MACROD2: variants seen among roughly 807,000 people sequenced by gnomAD.
The protein encoded by MACROD2 is ADP-ribose glycohydrolase MACROD2.
Under a neutral mutation model 70.4 loss-of-function variants are expected in MACROD2, and 36 were observed. The ratio of observed to expected loss-of-function variants is 0.51; its 90% CI spans 0.39 to 0.68. The LOEUF (loss-of-function observed/expected upper bound fraction) is 0.68. MACROD2 is among the 30% of genes least tolerant of loss of function. The pLI is 0.00. For missense variants in MACROD2, 496 were observed against 538.4 expected (o/e 0.92, Z 0.78); for synonymous variants, 172 against 178.8 (o/e 0.96, Z 0.30).
At chr20:15,778,726 G>A (rs2051775972) in intron 8 of MACROD2, among the ~76,000 whole-genome samples, 1 of 151,940 alleles carries the variant, frequency 6.6e-6, no homozygotes, top group South Asian at 2.1e-4. Flanking sequence ...ATCTTAGATA[G>A]TATGCCATTT....
At chr20:15,010,612 G>A (rs1024972484) in intron 5 of MACROD2, among the ~76,000 whole-genome samples, 1 of 152,004 alleles carries the variant, frequency 6.6e-6, no homozygotes, top group African/African-American at 2.4e-5. Context: ...TTATTTTCTG[G>A]GCATTTCTTA....
chr20:14,617,848 C>T (rs529566037), intron 4 of MACROD2, among the ~76,000 whole-genome samples: 1 of 152,182 alleles, frequency 6.6e-6, no homozygotes, highest in Non-Finnish European at 1.5e-5. Flanking sequence ...TTCCTTCAGG[C>T]GAAGCCTCGC....
intron 5 of MACROD2, among the ~76,000 whole-genome samples, chr20:15,086,614 T>TA (rs1392439953): frequency 6.6e-6 from 1 of 152,186 alleles, no homozygotes; most frequent in Non-Finnish European, 1.5e-5. Flanking sequence ...ACCTACCCTT[T>TA]AGTCTGTTCA....
At chr20:14,665,162 T>G (rs1321560045) in intron 4 of MACROD2, among the ~76,000 whole-genome samples, 1 of 152,140 alleles carries the variant, frequency 6.6e-6, no homozygotes, top group African/African-American at 2.4e-5. Context: ...CTATCTACAA[T>G]GCTTAGTGGT....
chr20:15,058,828 C>T (rs1171313279), intron 5 of MACROD2, among the ~76,000 whole-genome samples: 2 of 152,144 alleles, frequency 1.3e-5, no homozygotes, highest in African/African-American at 4.8e-5. Context: ...AAAATTATAT[C>T]AGTACCTACA....
At chr20:14,763,556 C>T (rs561250678) in intron 5 of MACROD2, among the ~76,000 whole-genome samples, 1 of 152,128 alleles carries the variant, frequency 6.6e-6, no homozygotes, top group African/African-American at 2.4e-5. Flanking sequence ...GGCAATATGA[C>T]TGACAGTAAA....
chr20:15,818,585 G>C (rs1177360127), intron 8 of MACROD2, among the ~76,000 whole-genome samples: 1 of 152,164 alleles, frequency 6.6e-6, no homozygotes, highest in Non-Finnish European at 1.5e-5. Context: ...TTATCAGCAA[G>C]ATCTTTATGA....
At chr20:14,496,692 ATT>A (rs2084856788) in intron 4 of MACROD2, among the ~76,000 whole-genome samples, 1 of 148,572 alleles carries the variant, frequency 6.7e-6, no homozygotes, top group South Asian at 2.1e-4. Context: ...ACTTTTACCA[ATT>A]TTACCAATTT....
At chr20:14,130,283 C>T (rs974412317) in intron 3 of MACROD2, among the ~76,000 whole-genome samples, 2 of 152,142 alleles carry the variant, frequency 1.3e-5, no homozygotes, top group African/African-American at 4.8e-5. Flanking sequence ...CACGGTGGCT[C>T]ACACCTGTAA....
At chr20:14,075,438 T>C (rs2053905590) in intron 2 of MACROD2, among the ~76,000 whole-genome samples, 1 of 152,196 alleles carries the variant, frequency 6.6e-6, no homozygotes, top group African/African-American at 2.4e-5. Flanking sequence ...ACATATTCCC[T>C]GTGGATAGGA....
intron 8 of MACROD2, among the ~76,000 whole-genome samples, chr20:15,545,876 G>C (rs2048019462): frequency 6.6e-6 from 1 of 152,232 alleles, no homozygotes; most frequent in African/African-American, 2.4e-5. Context: ...GGAGCACCAT[G>C]ATGTGAGGAG....
chr20:15,665,936 T>C (rs958522345), intron 8 of MACROD2, among the ~76,000 whole-genome samples: 1 of 152,130 alleles, frequency 6.6e-6, no homozygotes, highest in African/African-American at 2.4e-5. Context: ...TCTTCATCTT[T>C]ATTTTGTTTC....
chr20:15,546,801 G>A (rs967777928), intron 8 of MACROD2, among the ~76,000 whole-genome samples: 6 of 152,256 alleles, frequency 3.9e-5, no homozygotes, highest in African/African-American at 9.6e-5. Flanking sequence ...ATTTTACCAC[G>A]TGACGCTTGA....
At position 15,143,255 on chromosome 20, in the gene MACROD2, A is replaced by G. The variant is rs956953615; in HGVS notation, c.419-86685A>G. On this transcript the variant is annotated intron_variant, in intron 5 of 17. Transcript: ENST00000684519. ...TTTGGTTTTGATTTATATTTCTCTG[A>G]TGGCCAGTGATGATGAGCATTTTTT... Among the ~76,000 whole-genome samples the G allele has an allele frequency of 1.3e-4, 20 of 152,144 alleles. 1 individual carries two copies. Among genetic ancestry groups the G allele is most frequent in the Admixed American group, 3.9e-4 (6 of 15,272 alleles).
chr20:15,843,355 C>T (rs2064195470), intron 8 of MACROD2, among the ~76,000 whole-genome samples: 1 of 152,120 alleles, frequency 6.6e-6, no homozygotes. Context: ...GCACTGTGAG[C>T]AGAGTGACAT....
At chr20:14,164,554 A>G (rs2055238247) in intron 3 of MACROD2, among the ~76,000 whole-genome samples, 1 of 152,170 alleles carries the variant, frequency 6.6e-6, no homozygotes, top group South Asian at 2.1e-4. Flanking sequence ...GTCTGGGACA[A>G]AAGTAGTCTG....
chr20:14,703,563 A>C (rs918964944), intron 5 of MACROD2, among the ~76,000 whole-genome samples: 1 of 152,090 alleles, frequency 6.6e-6, no homozygotes, highest in African/African-American at 2.4e-5. Context: ...ATAATACATT[A>C]ATAGAGTTGG....
intron 5 of MACROD2, among the ~76,000 whole-genome samples, chr20:14,947,973 C>T (rs2074446064): frequency 6.6e-6 from 1 of 152,158 alleles, no homozygotes; most frequent in Non-Finnish European, 1.5e-5. Context: ...CAAAAACTTT[C>T]TATCTTGTTT....
At chr20:15,623,590 G>A (rs1276270134) in intron 8 of MACROD2, among the ~76,000 whole-genome samples, 1 of 152,142 alleles carries the variant, frequency 6.6e-6, no homozygotes, top group Non-Finnish European at 1.5e-5. Flanking sequence ...CAGATATGGG[G>A]ACGCTATGGG....
Sources: gnomAD v4.1 joint callset for allele counts (sites outside exome capture counted in the v4.1 genomes callset) on GRCh38, gnomAD v4.1.1 for gene constraint, MANE v1.5 for transcripts, NCBI Gene and HGNC (gene_info 2026-07-23, HGNC 2026-07-21) for gene names.